CEP135: variants seen among roughly 807,000 people sequenced by gnomAD.
CEP135 encodes the protein centrosomal protein of 135 kDa.
CEP135 carries 142 observed loss-of-function variants against 157.3 expected under a neutral mutation model. That is an observed-to-expected ratio of 0.90 (90% CI 0.79 to 1.04). The LOEUF is 1.04. CEP135 is among the 50% of genes least tolerant of loss of function. The probability of loss-of-function intolerance (pLI) is 0.00; values close to 1 mark genes in which losing one functional copy is unlikely to be tolerated. For synonymous variants in CEP135, 396 were observed against 439.8 expected (o/e 0.90, Z 1.25); for missense variants, 1,317 against 1,309.2 (o/e 1.01, Z -0.09).
chr4:55,990,107 T>C (rs1729735402), intron 14 of CEP135, among the ~76,000 whole-genome samples: 1 of 152,246 alleles, frequency 6.6e-6, no homozygotes, highest in South Asian at 2.1e-4. Context: ...TAATTGACTT[T>C]GTTTTGGTTT....
rs958430780 is a variant in CEP135, at chr4:56,005,183, A to G, written c.2281-3144A>G. On this transcript the variant is annotated intron_variant, in intron 17 of 25. Transcript: ENST00000257287. ...AAGAAGACCAGGCATATTGGCTCAC[A>G]CCTGTAATCCCAACACTTTGGGAGA... is the stretch of plus-strand genomic sequence containing the variant. Among the ~76,000 whole-genome samples the G allele has an allele frequency of 2.6e-5, 4 of 152,114 alleles. No individual in the cohort carries two copies. In the South Asian group the frequency reaches 8.3e-4, roughly 32 times the overall value.
chr4:55,986,588 A>G (rs932920853), intron 14 of CEP135, among the ~76,000 whole-genome samples: 1 of 152,110 alleles, frequency 6.6e-6, no homozygotes, highest in Non-Finnish European at 1.5e-5. Context: ...AAAAAGAGAA[A>G]TTCACTTCCA....
At chr4:56,007,486 G>C (rs1388671167) in intron 17 of CEP135, among the ~76,000 whole-genome samples, 4 of 152,150 alleles carry the variant, frequency 2.6e-5, no homozygotes, top group Admixed American at 2.6e-4. Context: ...ACTCTGATTG[G>C]GTGTCTTTGG....
At chr4:55,988,976 A>C (rs1729697204) in intron 14 of CEP135, among the ~76,000 whole-genome samples, 2 of 152,038 alleles carry the variant, frequency 1.3e-5, no homozygotes, top group South Asian at 4.1e-4. Flanking sequence ...GAAAAAAAAA[A>C]AAAACATAAT....
intron 11 of CEP135, among the ~76,000 whole-genome samples, chr4:55,978,170 G>GAACTCATGTTTTACTGGGTA (rs1366083920): frequency 2.0e-5 from 3 of 152,166 alleles, no homozygotes; most frequent in Middle Eastern, 6.8e-3. Context: ...AATGTTCAGG[G>GAACTCATGTTTTACTGGGTA]AACTCATGTT....
Position 55,997,069 on chromosome 4 carries a change from G to A in CEP135, c.2010-2233G>A, listed in dbSNP as rs540728524. On this transcript the variant is annotated intron_variant, in intron 15 of 25. Transcript: ENST00000257287. The stretch of plus-strand genomic sequence containing the variant: ...CCTTTGCTACGTTTATAGCATTTTC[G>A]AAGCTAAGAAACTGGTTCATTTTTC... Among the ~76,000 whole-genome samples, 9 of 152,188 alleles carry A rather than the reference G, an allele frequency of 5.9e-5. No individual in the cohort carries two copies. The East Asian group carries it at 7.7e-4, about 13-fold the overall frequency.
chr4:55,980,355 G>A (rs1452993834), intron 12 of CEP135, 60 bp downstream of exon 12: 2 of 1,081,822 alleles, frequency 1.8e-6, no homozygotes, highest in Non-Finnish European at 2.7e-6. Context: ...CTATAATGGA[G>A]CCTGTATATA....
chr4:55,962,352 G>A (rs1049545695), intron 6 of CEP135, among the ~76,000 whole-genome samples: 2 of 152,002 alleles, frequency 1.3e-5, no homozygotes, highest in Admixed American at 6.6e-5. Context: ...CTCTCACCTC[G>A]GCCTCCCAAA....
rs143787451 is a variant in CEP135 at position 55,952,195 on chromosome 4, G to A, written c.65G>A (p.Arg22His). 9.3e-6 allele frequency: 15 copies of A among 1,613,290 alleles called. No homozygotes were observed. The highest frequency in any genetic ancestry group is 2.7e-5 in the African/African-American group (2 of 75,014). ...IRKRLDQLGY[R>H]QTLTVECLPL... Reference sequence around the variant, plus strand: ...AAAAGGCTGGATCAGCTGGGATACCGCCAGACTCTGACAGTGGAGTGTTTA... The same window carrying A: ...AAAAGGCTGGATCAGCTGGGATACCACCAGACTCTGACAGTGGAGTGTTTA... Residue 22 changes from arginine to histidine, a missense_variant, in exon 2 of 26, where the codon CGC becomes CAC. Coordinates refer to ENST00000257287, the MANE Select transcript of CEP135 (RefSeq NM_025009.5).
chr4:56,008,005 C>G (rs918796109), intron 17 of CEP135, among the ~76,000 whole-genome samples: 10 of 152,084 alleles, frequency 6.6e-5, no homozygotes, highest in African/African-American at 2.4e-4. Flanking sequence ...GTTTCTAAGA[C>G]CTAGGGCCAT....
intron 7 of CEP135, chr4:55,965,193 T>C (rs905147249): frequency 1.3e-5 from 2 of 152,600 alleles, no homozygotes; most frequent in African/African-American, 2.4e-5. Context: ...TATTATAATT[T>C]CAACCAGTAA....
intron 13 of CEP135, among the ~76,000 whole-genome samples, chr4:55,983,168 A>G (rs1729467978): frequency 6.6e-6 from 1 of 152,236 alleles, no homozygotes; most frequent in Non-Finnish European, 1.5e-5. Flanking sequence ...AAATTGCCAA[A>G]TGGGAAACTT....
intron 10 of CEP135, among the ~76,000 whole-genome samples, chr4:55,972,673 A>T (rs1013418247): frequency 6.6e-6 from 1 of 152,212 alleles, no homozygotes; most frequent in Non-Finnish European, 1.5e-5. Context: ...GATGACACCT[A>T]CCCTGAAAAG....
rs1167562141 is a variant in CEP135 at position 55,952,140 on chromosome 4, G to T, written c.10G>T (p.Ala4Ser). The T allele has an allele frequency of 1.5e-5, 24 of 1,598,938 alleles. No homozygotes were observed. The highest frequency in any genetic ancestry group is 2.0e-5 in the Non-Finnish European group (23 of 1,166,756). ...TGTTTTAGAAGACGAGATGACTACA[G>T]CTGTAGAGAGAAAGTATATTAATAT... MTT[A>S]VERKYINIRK... The change falls in exon 2 of 26, where the codon GCT becomes TCT. Residue 4 changes from alanine (A) to serine (S), a missense_variant. Coordinates refer to ENST00000257287, the MANE Select transcript of CEP135 (RefSeq NM_025009.5).
intron 13 of CEP135, among the ~76,000 whole-genome samples, chr4:55,983,811 T>C (rs11732545): frequency 0.21 from 31,458 of 152,104 alleles, 3,461 homozygotes; most frequent in Non-Finnish European, 0.26. Context: ...TGAGCCACCA[T>C]GCCCGACCTG....
At chr4:55,952,614 A>T (rs1245989113) in intron 2 of CEP135, 1 of 177,096 alleles carries the variant, frequency 5.6e-6, no homozygotes, top group African/African-American at 2.4e-5. Context: ...CATGACAGGG[A>T]TACGTTCTGA....
At chr4:55,968,811 AG>A (rs1446843597) in intron 8 of CEP135, among the ~76,000 whole-genome samples, 1 of 152,194 alleles carries the variant, frequency 6.6e-6, no homozygotes, top group East Asian at 1.9e-4. Context: ...TTAAGGCCCA[AG>A]GAAGATCCTA....
rs374626758 is a variant in CEP135 at position 55,965,812 on chromosome 4, AAAG to A, written c.1004_1006del (p.Glu335del). 3,381 of 1,613,760 alleles carry A rather than the reference AAAG, an allele frequency of 2.1e-3. 13 individuals carry two copies. The highest frequency in any genetic ancestry group is 0.016 in the Middle Eastern group (98 of 6,058). On this transcript the variant is annotated inframe_deletion, in exon 8 of 26. Transcript: ENST00000257287. ...GTTAGCACAGCAGTTGGAAAGACATAAAGAAGAAGTGCTTGAGACTGCTGATAA... is the reference window on the plus strand; with the variant it reads ...GTTAGCACAGCAGTTGGAAAGACATAAAGAAGTGCTTGAGACTGCTGATAA...
chr4:55,951,105 A>C (rs1299766223), intron 1 of CEP135, among the ~76,000 whole-genome samples: 3 of 152,132 alleles, frequency 2.0e-5, no homozygotes, highest in Non-Finnish European at 4.4e-5. Context: ...AGTTCCTTTT[A>C]TCCCTTAGTA....
Sources: gnomAD v4.1 joint callset for allele counts (sites outside exome capture counted in the v4.1 genomes callset) on GRCh38, gnomAD v4.1.1 for gene constraint, MANE v1.5 for transcripts, NCBI Gene and HGNC (gene_info 2026-07-23, HGNC 2026-07-21) for gene names.